Variants in TFDP1 observed in about 807,000 individuals in gnomAD.
TFDP1 encodes transcription factor Dp-1, also known as DRTF1-polypeptide 1.
TFDP1 carries 6 observed loss-of-function variants against 48.0 expected under a neutral mutation model. The ratio of observed to expected loss-of-function variants is 0.13; its 90% CI spans 0.07 to 0.25. TFDP1 has a LOEUF of 0.25. Among genes scored for constraint, TFDP1 ranks in the 10% least tolerant of loss-of-function variants. TFDP1 has a pLI of 1.00. For missense variants in TFDP1, 335 were observed against 543.0 expected, an observed-to-expected ratio of 0.62 and a Z score of 3.81; for synonymous variants, 201 against 211.6, an observed-to-expected ratio of 0.95 and a Z score of 0.44.
chr13:113,624,951 C>G (rs1488794557), intron 4 of TFDP1, among the ~76,000 whole-genome samples: 1 of 148,064 alleles, frequency 6.8e-6, no homozygotes, highest in African/African-American at 2.5e-5. Flanking sequence ...CACATGTCCC[C>G]AGGTGTCTCT....
At chr13:113,592,288 T>C (rs951301110) in intron 2 of TFDP1, among the ~76,000 whole-genome samples, 2 of 152,236 alleles carry the variant, frequency 1.3e-5, no homozygotes, top group Non-Finnish European at 2.9e-5. Flanking sequence ...CCCAAGTAGC[T>C]GGGATTACAG....
At chr13:113,614,200 G>C (rs1296020710) in intron 3 of TFDP1, among the ~76,000 whole-genome samples, 2 of 151,624 alleles carry the variant, frequency 1.3e-5, no homozygotes, top group Non-Finnish European at 2.9e-5. Flanking sequence ...TGTGTGTGTT[G>C]TGTGCGAGTT....
chr13:113,611,375 G>A (rs550553237), intron 3 of TFDP1, among the ~76,000 whole-genome samples: 28 of 152,270 alleles, frequency 1.8e-4, no homozygotes, highest in Non-Finnish European at 3.8e-4. Flanking sequence ...AGATAATGAC[G>A]TTTCAGCTGT....
At chr13:113,624,606 G>A (rs1211225254) in intron 4 of TFDP1, among the ~76,000 whole-genome samples, 1 of 147,012 alleles carries the variant, frequency 6.8e-6, no homozygotes, top group Non-Finnish European at 1.5e-5. Flanking sequence ...GTGTGTCTCA[G>A]GGTATCTCTC....
intron 3 of TFDP1, among the ~76,000 whole-genome samples, chr13:113,616,935 C>T (rs1488277878): frequency 2.0e-5 from 3 of 152,202 alleles, no homozygotes; most frequent in Admixed American, 2.0e-4. Context: ...GTTAAAAGCC[C>T]AGCCTCTGTT....
intron 4 of TFDP1, among the ~76,000 whole-genome samples, chr13:113,626,497 G>A (rs978147535): frequency 6.6e-5 from 10 of 151,792 alleles, no homozygotes; most frequent in African/African-American, 2.4e-4. Flanking sequence ...CCTTCCCCGC[G>A]TCCCACTTCC....
At chr13:113,629,610 G>A (rs1490792696) in intron 4 of TFDP1, among the ~76,000 whole-genome samples, 2 of 152,200 alleles carry the variant, frequency 1.3e-5, no homozygotes, top group East Asian at 1.9e-4. Flanking sequence ...GCTTCTGCCC[G>A]ACTGGGCTAA....
chr13:113,623,106 C>G lies in TFDP1; in HGVS notation c.80-74C>G. ...ATCTCTAATTGCAAGCACCGTCTTG[C>G]ATTTAGAATGGTCGCTTGTAGCCTT... On this transcript the variant is annotated intron_variant, in intron 3 of 11. Transcript: ENST00000375370. The surrounding 1 kb of genome is among the most constrained non-coding windows in gnomAD (Gnocchi z 5.2). 2.2e-6 allele frequency: 3 copies of G among 1,342,846 alleles called. No homozygotes were observed. The highest frequency in any genetic ancestry group is 3.1e-6 in the Non-Finnish European group (3 of 958,226). 83.2% of individuals were successfully genotyped at this position (1,342,846 alleles called of 1,614,324 possible).
At position 113,633,346 on chromosome 13, in the gene TFDP1, C is replaced by T. The variant is rs571983982; in HGVS notation, c.474+61C>T. 4.4e-4 allele frequency: 508 copies of T among 1,144,272 alleles called. No individual in the cohort carries two copies. Among genetic ancestry groups the T allele is most frequent in the Non-Finnish European group, 6.0e-4 (470 of 778,894 alleles). 70.9% of individuals were successfully genotyped at this position (1,144,272 alleles called of 1,614,324 possible). On this transcript the variant is annotated intron_variant, in intron 6 of 11. Transcript: ENST00000375370. This position sits in a 1 kb window ranked among gnomAD's most constrained non-coding sequence, Gnocchi z 4.5. ...CGGAGCCCAGCGGTGTGGTACGTTT[C>T]GCTCTTTTAATATCGGGAACAGTTA...
intron 4 of TFDP1, among the ~76,000 whole-genome samples, 184 bp from the exon 5 acceptor site, chr13:113,631,439 G>A (rs749821369): frequency 2.6e-5 from 4 of 152,190 alleles, no homozygotes; most frequent in Admixed American, 6.5e-5. Flanking sequence ...ATTCAGAACC[G>A]GTGGGGTGAT....
At chr13:113,606,575 G>A (rs892661600) in intron 2 of TFDP1, among the ~76,000 whole-genome samples, 1 of 152,044 alleles carries the variant, frequency 6.6e-6, no homozygotes, top group Non-Finnish European at 1.5e-5. Context: ...TGAAGACGCC[G>A]CACAGCCTTC....
intron 2 of TFDP1, among the ~76,000 whole-genome samples, chr13:113,590,155 C>T (rs1340925681): frequency 6.6e-6 from 1 of 152,184 alleles, no homozygotes; most frequent in Non-Finnish European, 1.5e-5. Flanking sequence ...CTGGTCAGCT[C>T]CCTGTGCAGA....
At chr13:113,636,949 A>G (rs1048371814) in intron 10 of TFDP1, among the ~76,000 whole-genome samples, 4 of 152,002 alleles carry the variant, frequency 2.6e-5, no homozygotes, top group Non-Finnish European at 5.9e-5. Context: ...TGGATTTCCT[A>G]TGTGGTTTGT....
intron 2 of TFDP1, among the ~76,000 whole-genome samples, chr13:113,588,858 GGA>G (rs1040892657): frequency 9.9e-5 from 15 of 151,948 alleles, no homozygotes; most frequent in Admixed American, 2.6e-4. Flanking sequence ...TAGGACTGGG[GGA>G]GAGAGAGTGG....
At position 113,617,424 on chromosome 13, in the gene TFDP1, A is replaced by C. The variant is rs542903634; in HGVS notation, c.80-5756A>C. On this transcript the variant is annotated intron_variant, in intron 3 of 11. Transcript: ENST00000375370. ...GCGAGCCAGTCACAGAGGCACTCACATGCAGAGCCGCTCACCTGCAGAGCC... is the reference window on the plus strand; with the variant it reads ...GCGAGCCAGTCACAGAGGCACTCACCTGCAGAGCCGCTCACCTGCAGAGCC... Among the ~76,000 whole-genome samples, 537 of 140,108 alleles carry C rather than the reference A, an allele frequency of 3.8e-3. 2 individuals are homozygous for C. Among genetic ancestry groups the C allele is most frequent in the Non-Finnish European group, 6.0e-3 (403 of 67,684 alleles). The allele number at this position is 140,108 out of a possible 152,430, so 91.9% of individuals were successfully genotyped here. A position where few individuals can be genotyped will look rare whatever the true frequency, so the allele number is the denominator to read the frequency against.
chr13:113,606,273 T>C (rs1017088999), intron 2 of TFDP1, among the ~76,000 whole-genome samples: 4 of 151,654 alleles, frequency 2.6e-5, no homozygotes, highest in African/African-American at 9.8e-5. Flanking sequence ...TTCTGGTTGC[T>C]TGGGCTGCTG....
intron 2 of TFDP1, among the ~76,000 whole-genome samples, chr13:113,589,177 CA>C (rs986150753): frequency 6.6e-6 from 1 of 152,120 alleles, no homozygotes; most frequent in Non-Finnish European, 1.5e-5. Context: ...TTGTCTTGCT[CA>C]GGGACTTTTT....
intron 8 of TFDP1, among the ~76,000 whole-genome samples, chr13:113,635,683 G>A (rs1594538026): frequency 6.6e-6 from 1 of 152,206 alleles, no homozygotes; most frequent in Admixed American, 6.5e-5. Flanking sequence ...GCAAGGAATC[G>A]ACTTCCAAAA....
chr13:113,625,716 ATGTCTTCAGGCGTCTCTCACG>A (rs1566667349), intron 4 of TFDP1, among the ~76,000 whole-genome samples: 2 of 24,618 alleles, frequency 8.1e-5, no homozygotes, highest in African/African-American at 2.5e-4. Context: ...CGTCTCTCAC[ATGTCTTCAGGCGTCTCTCACG>A]TGTCCTCAGG....
Sources: gnomAD v4.1 joint callset for allele counts (sites outside exome capture counted in the v4.1 genomes callset) on GRCh38, gnomAD v4.1.1 for gene constraint, Gnocchi (gnomAD v3.1) non-coding constraint, MANE v1.5 for transcripts, NCBI Gene and HGNC (gene_info 2026-07-23, HGNC 2026-07-21) for gene names.